Variants in EPB41L5 observed in about 807,000 individuals in gnomAD.
EPB41L5 encodes the protein erythrocyte membrane protein band 4.1 like 5, also known as band 4.1-like protein 5.
EPB41L5 carries 55 observed loss-of-function variants against 106.6 expected under a neutral mutation model. The observed-to-expected ratio is 0.52, with a 90% CI of 0.42 to 0.65. The LOEUF is 0.65. EPB41L5 is among the 30% of genes least tolerant of loss of function. The probability of loss-of-function intolerance (pLI) is 0.00; values close to 1 mark genes in which losing one functional copy is unlikely to be tolerated. For synonymous variants in EPB41L5, 297 were observed against 306.7 expected (o/e 0.97, Z 0.33); for missense variants, 871 against 882.1 (o/e 0.99, Z 0.16).
intron 7 of EPB41L5, among the ~76,000 whole-genome samples, 195 bp downstream of exon 7, chr2:120,075,948 C>T (rs979501032): frequency 6.6e-6 from 1 of 152,178 alleles, no homozygotes; most frequent in African/African-American, 2.4e-5. Context: ...TGTAATTGCG[C>T]CCTTTCCACC....
chr2:120,015,314 G>C (rs1558794058), intron 1 of EPB41L5, among the ~76,000 whole-genome samples: 1 of 147,528 alleles, frequency 6.8e-6, no homozygotes, highest in East Asian at 2.0e-4. Flanking sequence ...GCAACAGAGC[G>C]AGACTCAAAA....
chr2:120,158,923 CT>C (rs1358061974), intron 20 of EPB41L5, among the ~76,000 whole-genome samples: 1 of 152,182 alleles, frequency 6.6e-6, no homozygotes, highest in East Asian at 1.9e-4. Context: ...ACAAAAATCA[CT>C]AGCATTCCTA....
In EPB41L5 at chr2:120,013,228, C is replaced by G. The variant is rs1177187246; in HGVS notation, c.-9+18C>G. ...CAGCTCAGGTAAGCGCGAGGCCCGG[C>G]GGCGGCGCCGCAGTACAGTCCGCTG... On this transcript the variant is annotated intron_variant, in intron 1 of 24. Coordinates refer to ENST00000263713, the MANE Select transcript of EPB41L5 (RefSeq NM_020909.4). 1.3e-5 allele frequency: 2 copies of G among 152,150 alleles called. No homozygotes were observed. The highest frequency in any genetic ancestry group is 1.5e-5 in the Non-Finnish European group (1 of 68,168). The allele number at this position is 152,150 out of a possible 1,614,324, so 9.4% of individuals were successfully genotyped here.
chr2:120,025,899 A>G (rs144336143), intron 2 of EPB41L5, among the ~76,000 whole-genome samples: 6 of 152,350 alleles, frequency 3.9e-5, no homozygotes, highest in Non-Finnish European at 8.8e-5. Context: ...ACAAAGCAAC[A>G]ATAAGTTGGT....
chr2:120,017,586 G>C (rs2105113200), intron 1 of EPB41L5, among the ~76,000 whole-genome samples: 1 of 152,204 alleles, frequency 6.6e-6, no homozygotes. Context: ...TGTTTTAACT[G>C]TTTTGATTAA....
intron 16 of EPB41L5, among the ~76,000 whole-genome samples, chr2:120,111,973 T>C (rs557273783): frequency 1.3e-5 from 2 of 152,328 alleles, no homozygotes; most frequent in South Asian, 4.1e-4. Context: ...TACTGCTTCC[T>C]GAGTATTCCT....
intron 3 of EPB41L5, among the ~76,000 whole-genome samples, chr2:120,043,610 T>A (rs972253204): frequency 2.0e-5 from 3 of 150,678 alleles, no homozygotes; most frequent in Non-Finnish European, 4.4e-5. Flanking sequence ...TGGCGGTGCA[T>A]GCCTCTAGTT....
At chr2:120,139,961 T>C (rs377482514) in intron 18 of EPB41L5, among the ~76,000 whole-genome samples, 2 of 152,062 alleles carry the variant, frequency 1.3e-5, no homozygotes, top group Admixed American at 1.3e-4. Context: ...CTGGTACATA[T>C]ACACAATGAA....
intron 18 of EPB41L5, among the ~76,000 whole-genome samples, chr2:120,137,149 T>C (rs563097139): frequency 6.6e-6 from 1 of 152,156 alleles, no homozygotes; most frequent in African/African-American, 2.4e-5. Flanking sequence ...AGTAAGGAAA[T>C]TTTTTAATTT....
intron 3 of EPB41L5, among the ~76,000 whole-genome samples, chr2:120,054,022 C>T (rs1680461764): frequency 6.6e-6 from 1 of 152,176 alleles, no homozygotes. Flanking sequence ...ACACTCCCTA[C>T]CAGCAGTGTA....
At position 120,166,959 on chromosome 2, in the gene EPB41L5, G is replaced by A. The variant is rs1371055986; in HGVS notation, c.1963-507G>A. Among the ~76,000 whole-genome samples the A allele has an allele frequency of 2.0e-5, 3 of 152,146 alleles. No individual in the cohort carries two copies. The East Asian group carries it at 5.8e-4, about 29-fold the overall frequency. On this transcript the variant is annotated intron_variant, in intron 22 of 24. Transcript: ENST00000263713. Reference sequence around the variant, plus strand: ...GCCCTGTGAACCAGGAGCAATATGGGTGTTTTTATTGCGCTTTCTTCATGC... The same window carrying A: ...GCCCTGTGAACCAGGAGCAATATGGATGTTTTTATTGCGCTTTCTTCATGC...
chr2:120,108,013 G>A (rs926921501), intron 16 of EPB41L5, among the ~76,000 whole-genome samples: 1 of 152,140 alleles, frequency 6.6e-6, no homozygotes, highest in Non-Finnish European at 1.5e-5. Flanking sequence ...ATTGGTGAAA[G>A]GAAAATAACT....
chr2:120,097,531 T>C lies in EPB41L5; in HGVS notation c.1179-2713T>C, dbSNP rs73952030. On this transcript the variant is annotated intron_variant, in intron 14 of 24. Transcript: ENST00000263713. ...CTTGTACTGTTTTGGCTCTTAACTA[T>C]TCTTGTGAGTCATGAATACTATAAA... Among the ~76,000 whole-genome samples, 796 of 152,348 alleles carry C rather than the reference T, an allele frequency of 5.2e-3. 4 individuals are homozygous for C. The highest frequency in any genetic ancestry group is 0.018 in the African/African-American group (766 of 41,578).
intron 11 of EPB41L5, among the ~76,000 whole-genome samples, chr2:120,089,980 A>G (rs755515499): frequency 2.0e-5 from 3 of 152,034 alleles, no homozygotes; most frequent in Non-Finnish European, 2.9e-5. Context: ...TGGCAGTGTG[A>G]TTACTATGAC....
chr2:120,029,834 G>A (rs975519198), intron 2 of EPB41L5, among the ~76,000 whole-genome samples: 2 of 152,292 alleles, frequency 1.3e-5, no homozygotes, highest in African/African-American at 4.8e-5. Context: ...AGCCCTGCCT[G>A]CATGCATACA....
At chr2:120,063,306 C>T (rs999960904) in intron 3 of EPB41L5, among the ~76,000 whole-genome samples, 5 of 147,482 alleles carry the variant, frequency 3.4e-5, no homozygotes, top group Admixed American at 1.4e-4. Flanking sequence ...CGCACCACTG[C>T]GCTCTAGCCT....
chr2:120,065,959 G>T (rs1681417505), intron 3 of EPB41L5, among the ~76,000 whole-genome samples: 1 of 152,004 alleles, frequency 6.6e-6, no homozygotes, highest in African/African-American at 2.4e-5. Flanking sequence ...ACACACATGT[G>T]TGTGCACATA....
At chr2:120,083,903 T>G (rs1183859147) in intron 10 of EPB41L5, among the ~76,000 whole-genome samples, 1 of 152,230 alleles carries the variant, frequency 6.6e-6, no homozygotes, top group Non-Finnish European at 1.5e-5. Context: ...GTCTGTTTTA[T>G]CAGAGACTAG....
intron 2 of EPB41L5, among the ~76,000 whole-genome samples, chr2:120,019,924 C>A (rs1677811222): frequency 7.0e-6 from 1 of 143,414 alleles, no homozygotes; most frequent in African/African-American, 2.6e-5. Context: ...TTTTTTTTTT[C>A]AGAAATATAT....
Sources: gnomAD v4.1 joint callset for allele counts (sites outside exome capture counted in the v4.1 genomes callset) on GRCh38, gnomAD v4.1.1 for gene constraint, MANE v1.5 for transcripts, NCBI Gene and HGNC (gene_info 2026-07-23, HGNC 2026-07-21) for gene names.